Variants in PDXDC1 observed in about 807,000 individuals in gnomAD.
PDXDC1 encodes pyridoxal dependent decarboxylase domain containing 1.
A neutral mutation model predicts 100.1 loss-of-function variants in PDXDC1; 42 were observed. The ratio of observed to expected loss-of-function variants is 0.42; its 90% CI spans 0.33 to 0.54. The LOEUF is 0.54. PDXDC1 is among the 20% of genes least tolerant of loss of function. PDXDC1 has a pLI of 0.10. For missense variants in PDXDC1, 636 were observed against 979.2 expected, an observed-to-expected ratio of 0.65 and a Z score of 4.68; for synonymous variants, 260 against 371.7, an observed-to-expected ratio of 0.70 and a Z score of 3.46.
intron 1 of PDXDC1, among the ~76,000 whole-genome samples, chr16:14,982,262 A>C (rs1468601001): frequency 6.6e-6 from 1 of 152,306 alleles, no homozygotes. Context: ...TCACAGACAC[A>C]CTCAAGCGTA....
intron 16 of PDXDC1, chr16:15,068,342 T>A: frequency 2.0e-5 from 30 of 1,511,204 alleles, no homozygotes; most frequent in Non-Finnish European, 2.6e-5. Flanking sequence ...TAAGATACTT[T>A]TAAAAGCACA....
At chr16:15,090,219 A>AT (rs397782602) in intron 16 of PDXDC1, among the ~76,000 whole-genome samples, 9 of 151,982 alleles carry the variant, frequency 5.9e-5, no homozygotes, top group Non-Finnish European at 1.3e-4. Flanking sequence ...TTAAAAAAAA[A>AT]GTCCACTGAA....
At chr16:15,056,274 G>A (rs961426839) in intron 16 of PDXDC1, among the ~76,000 whole-genome samples, 21 of 152,248 alleles carry the variant, frequency 1.4e-4, no homozygotes, top group African/African-American at 5.1e-4. Context: ...TCCCAAAAGC[G>A]TGGGAGTGAA....
chr16:15,055,400 G>A (rs529912517), intron 16 of PDXDC1, among the ~76,000 whole-genome samples: 12 of 152,330 alleles, frequency 7.9e-5, no homozygotes, highest in Admixed American at 7.2e-4. Flanking sequence ...AGAGAGAGGA[G>A]GAAGGACTGG....
chr16:14,975,056 C>G lies in PDXDC1; in HGVS notation c.-144C>G. The stretch of plus-strand genomic sequence containing the variant: ...AACCATCAGGTTCGGCAGCCCGCGG[C>G]GCCGCCTGGCAGCTCCTCCTCTTCT... On this transcript the variant is annotated 5_prime_UTR_variant, in exon 1 of 23. Transcript: ENST00000396410. 6.6e-7 allele frequency: 1 copy of G among 1,512,940 alleles called. No homozygotes were observed. The highest frequency in any genetic ancestry group is 8.8e-7 in the Non-Finnish European group (1 of 1,138,574). The allele number at this position is 1,512,940 out of a possible 1,614,324, so 93.7% of individuals were successfully genotyped here. A position where few individuals can be genotyped will look rare whatever the true frequency, so the allele number is the denominator to read the frequency against.
At chr16:15,064,041 A>T (rs142148316) in intron 16 of PDXDC1, among the ~76,000 whole-genome samples, 20 of 152,354 alleles carry the variant, frequency 1.3e-4, no homozygotes, top group African/African-American at 4.8e-4. Flanking sequence ...AGACAATCCC[A>T]GATGGTCATG....
intron 1 of PDXDC1, chr16:14,990,049 AC>A (rs1297927458): frequency 3.5e-5 from 52 of 1,488,038 alleles, no homozygotes; most frequent in Admixed American, 6.5e-5. Flanking sequence ...TGCGCGCCGG[AC>A]CCCCCAAACC....
chr16:15,110,718 A>G (rs2047011096), intron 16 of PDXDC1: 1 of 1,587,904 alleles, frequency 6.3e-7, no homozygotes, highest in Admixed American at 1.7e-5. Context: ...CAACAGAACC[A>G]TACCTTCCTG....
Position 14,997,840 on chromosome 16 carries a change from AGGTGACCCT to A in PDXDC1, c.95+16_95+24del, listed in dbSNP as rs762727148. ...GGACAGTCAGAGGTGAGTAGGACAG[AGGTGACCCT>A]GTTCAACGAGTTCAGCCTGCTGTGA... On this transcript the variant is annotated intron_variant, in intron 2 of 22. Transcript: ENST00000396410. 1 of 1,590,170 alleles carries A rather than the reference AGGTGACCCT, an allele frequency of 6.3e-7. No homozygotes were observed. Among genetic ancestry groups the A allele is most frequent in the South Asian group, 1.2e-5 (1 of 86,498 alleles).
intron 12 of PDXDC1, among the ~76,000 whole-genome samples, chr16:15,022,260 C>T (rs2042262883): frequency 6.6e-6 from 1 of 152,282 alleles, no homozygotes; most frequent in Non-Finnish European, 1.5e-5. Context: ...GAAGCATAGA[C>T]AGGTTACATA....
intron 16 of PDXDC1, among the ~76,000 whole-genome samples, chr16:15,067,243 C>G (rs1185795284): frequency 6.6e-6 from 1 of 151,652 alleles, no homozygotes; most frequent in Non-Finnish European, 1.5e-5. Flanking sequence ...ATGATCCGGC[C>G]TAAATATCCT....
the PDXDC1 span, among the ~76,000 whole-genome samples, chr16:15,146,764 C>A: frequency 2.6e-5 from 4 of 152,168 alleles, no homozygotes; most frequent in East Asian, 7.8e-4. Flanking sequence ...GCATGGAGGA[C>A]AGGGGAATGG....
intron 16 of PDXDC1, chr16:15,047,464 A>G: frequency 1.2e-6 from 2 of 1,612,182 alleles, no homozygotes; most frequent in Non-Finnish European, 1.7e-6. Flanking sequence ...GCGTGGTCAG[A>G]AAAGGATTTT....
chr16:15,141,973 C>G (rs1283276622), downstream of PDXDC1, among the ~76,000 whole-genome samples: 2 of 152,184 alleles, frequency 1.3e-5, no homozygotes, highest in South Asian at 2.1e-4. Context: ...TGAGGCGCAG[C>G]AGCCCTAAGG....
At chr16:15,024,624 G>A (rs1342124263) in intron 13 of PDXDC1, among the ~76,000 whole-genome samples, 1 of 152,264 alleles carries the variant, frequency 6.6e-6, no homozygotes, top group East Asian at 1.9e-4. Flanking sequence ...TGTTGGCCAG[G>A]CTGGTCTTGA....
chr16:15,044,622 G>A, intron 16 of PDXDC1: 1 of 587,972 alleles, frequency 1.7e-6, no homozygotes, highest in Non-Finnish European at 3.0e-6. Flanking sequence ...TGATGACTGA[G>A]GGGATCCGTA....
chr16:14,999,990 A>G (rs536163130), intron 3 of PDXDC1, among the ~76,000 whole-genome samples: 2 of 152,400 alleles, frequency 1.3e-5, no homozygotes, highest in Non-Finnish European at 2.9e-5. Context: ...CAGTGTGCCA[A>G]TAACACGCTG....
intron 16 of PDXDC1, chr16:15,055,991 GCAGGCCCAGGGAGGCGGCGGCCCC>G (rs2044500142): frequency 2.5e-6 from 3 of 1,202,692 alleles, no homozygotes; most frequent in Non-Finnish European, 3.1e-6. Context: ...GGCCGCCCAG[GCAGGCCCAGGGAGGCGGCGGCCCC>G]CCGCTTTGCA....
At chr16:15,038,406 C>CATATCCCCATTTGATATACAAGTTAA, downstream of PDXDC1, 1 of 623,696 alleles carries the variant, frequency 1.6e-6, no homozygotes, top group Non-Finnish European at 2.8e-6. Context: ...TAGGACTTGA[C>CATATCCCCATTTGATATACAAGTTAA]ATATCCCCAT....
Sources: gnomAD v4.1 joint callset for allele counts (sites outside exome capture counted in the v4.1 genomes callset) on GRCh38, gnomAD v4.1.1 for gene constraint, MANE v1.5 for transcripts, NCBI Gene and HGNC (gene_info 2026-07-23, HGNC 2026-07-21) for gene names.